Variants in DIS3L2 observed in about 807,000 individuals in gnomAD.
The protein encoded by DIS3L2 is DIS3-like exonuclease 2.
DIS3L2 carries 34 observed loss-of-function variants against 97.5 expected under a neutral mutation model. The observed-to-expected ratio is 0.35, with a 90% CI of 0.27 to 0.46. The LOEUF is 0.46. DIS3L2 is among the 20% of genes least tolerant of loss of function. DIS3L2 has a pLI of 1.00. For synonymous variants in DIS3L2, 435 were observed against 445.2 expected (o/e 0.98, Z 0.29); for missense variants, 1,038 against 1,146.0 (o/e 0.91, Z 1.36).
At chr2:232,139,907 C>T (rs951204317) in intron 8 of DIS3L2, among the ~76,000 whole-genome samples, 2 of 152,146 alleles carry the variant, frequency 1.3e-5, no homozygotes, top group Non-Finnish European at 2.9e-5. Flanking sequence ...AAGGTAAATT[C>T]TCCCAGATGC....
intron 3 of DIS3L2, among the ~76,000 whole-genome samples, chr2:232,017,592 C>A (rs1451695813): frequency 6.6e-6 from 1 of 152,086 alleles, no homozygotes; most frequent in Non-Finnish European, 1.5e-5. Flanking sequence ...ATAGGAGGAC[C>A]CATTGTGCCT....
intron 1 of DIS3L2, among the ~76,000 whole-genome samples, chr2:232,000,236 A>G (rs1247678279): frequency 2.0e-5 from 3 of 152,040 alleles, no homozygotes; most frequent in Non-Finnish European, 4.4e-5. Flanking sequence ...TTTTATTTTT[A>G]TTGTTGTTTC....
At chr2:232,046,188 G>C (rs1319351763) in intron 5 of DIS3L2, among the ~76,000 whole-genome samples, 1 of 152,132 alleles carries the variant, frequency 6.6e-6, no homozygotes, top group Non-Finnish European at 1.5e-5. Flanking sequence ...GATAAGATAT[G>C]GTGTCTTTTG....
chr2:232,017,240 T>C (rs188059588), intron 3 of DIS3L2, among the ~76,000 whole-genome samples: 53 of 152,010 alleles, frequency 3.5e-4, no homozygotes, highest in African/African-American at 1.2e-3. Flanking sequence ...AAGGTAAAAA[T>C]TAGTCATGCC....
chr2:232,038,076 A>G (rs187390079), intron 5 of DIS3L2, among the ~76,000 whole-genome samples: 4 of 152,320 alleles, frequency 2.6e-5, no homozygotes, highest in Non-Finnish European at 5.9e-5. Context: ...GTTGCTGCCA[A>G]TTGTTGATAC....
At chr2:232,042,866 G>A (rs777777929) in intron 5 of DIS3L2, among the ~76,000 whole-genome samples, 11 of 152,166 alleles carry the variant, frequency 7.2e-5, no homozygotes, top group Admixed American at 1.3e-4. Flanking sequence ...GTTAATGTAG[G>A]TAAATACTTA....
At chr2:232,002,737 C>T (rs1693944644) in intron 1 of DIS3L2, among the ~76,000 whole-genome samples, 1 of 152,136 alleles carries the variant, frequency 6.6e-6, no homozygotes, top group Non-Finnish European at 1.5e-5. Context: ...ATTTCTTTTA[C>T]CTAGTTATCA....
At chr2:232,054,817 G>GGCAAAGTCCTTTTATAAACACAGAT (rs1228758161) in intron 5 of DIS3L2, among the ~76,000 whole-genome samples, 2 of 152,020 alleles carry the variant, frequency 1.3e-5, no homozygotes, top group East Asian at 1.9e-4. Flanking sequence ...GAAAATTGTA[G>GGCAAAGTCCTTTTATAAACACAGAT]GCAAAGTCCT....
chr2:232,289,298 T>C (rs181368984), intron 13 of DIS3L2, among the ~76,000 whole-genome samples: 1 of 151,840 alleles, frequency 6.6e-6, no homozygotes, highest in Non-Finnish European at 1.5e-5. Context: ...TACTGGCCCG[T>C]GTTCTTGCCT....
intron 12 of DIS3L2, among the ~76,000 whole-genome samples, chr2:232,261,126 A>G (rs1471322833): frequency 6.6e-6 from 1 of 152,130 alleles, no homozygotes. Flanking sequence ...ACTTTGCCTC[A>G]TGCTCAACTA....
intron 8 of DIS3L2, among the ~76,000 whole-genome samples, chr2:232,139,777 T>C (rs1010962997): frequency 1.3e-5 from 2 of 152,186 alleles, no homozygotes; most frequent in Admixed American, 6.5e-5. Flanking sequence ...AGAAGGGACA[T>C]GCCTAGTAGC....
downstream of DIS3L2, chr2:232,340,641 G>A: frequency 1.1e-5 from 5 of 466,080 alleles, no homozygotes; most frequent in Non-Finnish European, 1.8e-5. Context: ...TCCCCATCCA[G>A]GCCAGAGATG....
intron 10 of DIS3L2, among the ~76,000 whole-genome samples, chr2:232,222,061 G>C (rs111600147): frequency 0.13 from 19,533 of 151,528 alleles, 1,766 homozygotes; most frequent in South Asian, 0.36. Flanking sequence ...TCCTGCCTCA[G>C]CCTCCTGAGT....
At chr2:232,056,996 G>A (rs1340599596) in intron 5 of DIS3L2, among the ~76,000 whole-genome samples, 3 of 152,034 alleles carry the variant, frequency 2.0e-5, no homozygotes, top group Non-Finnish European at 4.4e-5. Flanking sequence ...ATATAAAATA[G>A]CCCCAAACTG....
intron 12 of DIS3L2, among the ~76,000 whole-genome samples, chr2:232,256,237 A>G (rs1318695920): frequency 1.3e-5 from 2 of 152,342 alleles, no homozygotes; most frequent in Non-Finnish European, 2.9e-5. Flanking sequence ...TCCTGCAACC[A>G]GCATCTCCTC....
At chr2:232,097,979 C>T (rs922946269) in intron 6 of DIS3L2, among the ~76,000 whole-genome samples, 6 of 152,090 alleles carry the variant, frequency 3.9e-5, no homozygotes, top group South Asian at 2.1e-4. Flanking sequence ...TGAGTCCTAC[C>T]GTGACTGAGT....
chr2:232,096,890 T>C (rs769777860), intron 6 of DIS3L2, among the ~76,000 whole-genome samples: 2 of 152,230 alleles, frequency 1.3e-5, no homozygotes, highest in Non-Finnish European at 2.9e-5. Flanking sequence ...GTCTGAAAGG[T>C]TACATATCTC....
chr2:231,979,512 C>T (rs1412872967), intron 1 of DIS3L2, among the ~76,000 whole-genome samples: 1 of 152,144 alleles, frequency 6.6e-6, no homozygotes, highest in Admixed American at 6.5e-5. Context: ...CTGCCTTGGC[C>T]TCCCAAGGCC....
At chr2:232,089,072 C>T (rs915592970) in intron 6 of DIS3L2, among the ~76,000 whole-genome samples, 10 of 152,134 alleles carry the variant, frequency 6.6e-5, no homozygotes, top group African/African-American at 2.2e-4. Context: ...GTCCCCCCAG[C>T]GTAAAGAAAG....
Sources: allele counts gnomAD v4.1 joint callset (sites outside exome capture counted in the v4.1 genomes callset), GRCh38; gene constraint gnomAD v4.1.1; transcripts MANE v1.5; gene names NCBI Gene and HGNC (gene_info 2026-07-23, HGNC 2026-07-21).